Variants in SHOC2 observed in about 807,000 individuals in gnomAD.
The protein encoded by SHOC2 is leucine-rich repeat protein SHOC-2.
In SHOC2, 4 loss-of-function variants were observed where a neutral mutation model predicts 50.2. That is an observed-to-expected ratio of 0.08 (90% CI 0.04 to 0.18). The LOEUF (loss-of-function observed/expected upper bound fraction) is 0.18. SHOC2 is among the 10% of genes least tolerant of loss of function. The pLI, the probability that SHOC2 is intolerant of heterozygous loss-of-function variation, is 1.00. For missense variants in SHOC2, 388 were observed against 669.6 expected (o/e 0.58, Z 4.64); for synonymous variants, 218 against 244.5 (o/e 0.89, Z 1.01).
chr10:111,000,601 G>A (rs1848354056), intron 4 of SHOC2, 56 bp downstream of exon 4: 1 of 1,477,218 alleles, frequency 6.8e-7, no homozygotes, highest in African/African-American at 1.4e-5. Context: ...GATAATTCAA[G>A]GAAAGCTAGT....
intron 1 of SHOC2, chr10:110,937,065 A>C: frequency 6.7e-7 from 1 of 1,485,282 alleles, no homozygotes; most frequent in Non-Finnish European, 9.4e-7. Flanking sequence ...TTGCGGAGGA[A>C]AGCCAAGTAC....
chr10:110,957,532 AC>A lies in SHOC2; in HGVS notation c.-234-6583del, dbSNP rs149911635. Among the ~76,000 whole-genome samples, 881 of 127,944 alleles carry A rather than the reference AC, an allele frequency of 6.9e-3. 26 individuals carry two copies. In the South Asian group the frequency reaches 0.12, roughly 17 times the overall value. The allele number at this position is 127,944 out of a possible 152,430, so 83.9% of individuals were successfully genotyped here. A position where few individuals can be genotyped will look rare whatever the true frequency, so the allele number is the denominator to read the frequency against. On this transcript the variant is annotated intron_variant, in intron 1 of 8. Transcript: ENST00000369452. ...ACATCAGATTCTTAATCATGAAGAT[AC>A]CCCCCCCCCAGCCCACAATTTCCAA...
chr10:110,964,242 T>C lies in SHOC2; in HGVS notation c.-117T>C. The C allele has an allele frequency of 6.7e-7, 1 of 1,482,944 alleles. No individual in the cohort carries two copies. The allele number at this position is 1,482,944 out of a possible 1,614,324, so 91.9% of individuals were successfully genotyped here. A position where few individuals can be genotyped will look rare whatever the true frequency, so the allele number is the denominator to read the frequency against. ...ACAGATGGATGTTACTCCATGCTGA[T>C]TACTTCTTCAAGCCAGTACTTTTTT... is the stretch of plus-strand genomic sequence containing the variant. On this transcript the variant is annotated 5_prime_UTR_variant, in exon 2 of 9. Coordinates refer to ENST00000369452, the MANE Select transcript of SHOC2 (RefSeq NM_007373.4). This position sits in a 1 kb window ranked among gnomAD's most constrained non-coding sequence, Gnocchi z 4.9.
chr10:110,957,945 A>G (rs769281481), intron 1 of SHOC2, among the ~76,000 whole-genome samples: 7 of 152,178 alleles, frequency 4.6e-5, no homozygotes, highest in Non-Finnish European at 1.0e-4. Flanking sequence ...TCTGTATGTA[A>G]CTGGAGATGA....
chr10:110,970,935 TGTTGA>T (rs1847769949), intron 2 of SHOC2, among the ~76,000 whole-genome samples: 1 of 152,094 alleles, frequency 6.6e-6, no homozygotes, highest in Non-Finnish European at 1.5e-5. Context: ...ATTGTTTTGC[TGTTGA>T]GTTCTTGTAT....
chr10:110,986,592 G>C (rs1236368756), intron 3 of SHOC2, among the ~76,000 whole-genome samples: 1 of 152,032 alleles, frequency 6.6e-6, no homozygotes, highest in East Asian at 1.9e-4. Flanking sequence ...TCCTGCTTCA[G>C]CCTCCTGAGT....
intron 3 of SHOC2, among the ~76,000 whole-genome samples, chr10:110,989,850 T>C (rs569992939): frequency 3.3e-5 from 5 of 152,334 alleles, no homozygotes; most frequent in African/African-American, 1.2e-4. Flanking sequence ...ATATGCTTTC[T>C]GTTTGCCATA....
intron 1 of SHOC2, among the ~76,000 whole-genome samples, chr10:110,937,475 A>G (rs2134085941): frequency 6.6e-6 from 1 of 152,298 alleles, no homozygotes; most frequent in African/African-American, 2.4e-5. Flanking sequence ...CACTGTATTT[A>G]GTAGACCCTC....
chr10:110,928,465 A>G (rs1846821048), intron 1 of SHOC2, among the ~76,000 whole-genome samples: 1 of 152,232 alleles, frequency 6.6e-6, no homozygotes, highest in African/African-American at 2.4e-5. Context: ...GATAAAACAT[A>G]CTTTTACTAG....
chr10:110,988,882 GT>G (rs1291386978), intron 3 of SHOC2: 1 of 462,300 alleles, frequency 2.2e-6, no homozygotes, highest in Non-Finnish European at 4.4e-6. Context: ...CCTTTTAAAA[GT>G]TTTTTCTAAT....
intron 2 of SHOC2, among the ~76,000 whole-genome samples, chr10:110,967,638 A>G (rs1439369463): frequency 6.6e-6 from 1 of 152,178 alleles, no homozygotes; most frequent in South Asian, 2.1e-4. Context: ...CTCCTAACTC[A>G]TTAACCCTAG....
chr10:110,937,675 G>A (rs1200416410), intron 1 of SHOC2, among the ~76,000 whole-genome samples: 1 of 152,148 alleles, frequency 6.6e-6, no homozygotes, highest in African/African-American at 2.4e-5. Flanking sequence ...ATAACTTTAA[G>A]GGATAAAGTA....
intron 3 of SHOC2, among the ~76,000 whole-genome samples, chr10:110,987,994 C>A (rs116959296): frequency 6.6e-6 from 1 of 151,986 alleles, no homozygotes; most frequent in Non-Finnish European, 1.5e-5. Flanking sequence ...TAGGACTAGA[C>A]GTTCCAGAAG....
intron 2 of SHOC2, among the ~76,000 whole-genome samples, chr10:110,971,160 TGTA>T (rs919087692): frequency 6.6e-6 from 1 of 152,170 alleles, no homozygotes; most frequent in African/African-American, 2.4e-5. Context: ...CTATGTTTCT[TGTA>T]GTAGTTTTAT....
At chr10:110,968,520 G>T (rs1052465109) in intron 2 of SHOC2, among the ~76,000 whole-genome samples, 1 of 151,250 alleles carries the variant, frequency 6.6e-6, no homozygotes, top group South Asian at 2.1e-4. Context: ...ATGCATATTA[G>T]AGCTACATTA....
chr10:110,994,274 G>C (rs1246622347), intron 3 of SHOC2, among the ~76,000 whole-genome samples: 1 of 152,172 alleles, frequency 6.6e-6, no homozygotes, highest in Admixed American at 6.5e-5. Context: ...CATAGGAATG[G>C]AATAGGCAAG....
chr10:111,000,159 CTT>C (rs1373888906), intron 3 of SHOC2, among the ~76,000 whole-genome samples: 1 of 152,082 alleles, frequency 6.6e-6, no homozygotes, highest in Non-Finnish European at 1.5e-5. Context: ...TATGCCAATA[CTT>C]TATCTAATCG....
chr10:110,996,002 C>T (rs958438322), intron 3 of SHOC2, among the ~76,000 whole-genome samples: 3 of 152,136 alleles, frequency 2.0e-5, no homozygotes, highest in Non-Finnish European at 4.4e-5. Flanking sequence ...TTTGTTCATA[C>T]TTCTTTTAGG....
At chr10:110,920,715 G>A (rs1846622481) in intron 1 of SHOC2, among the ~76,000 whole-genome samples, 1 of 152,176 alleles carries the variant, frequency 6.6e-6, no homozygotes, top group African/African-American at 2.4e-5. Context: ...CGTAATGGGG[G>A]TGATGAGAAT....
Sources: gnomAD v4.1 joint callset for allele counts (sites outside exome capture counted in the v4.1 genomes callset) on GRCh38, gnomAD v4.1.1 for gene constraint, Gnocchi (gnomAD v3.1) non-coding constraint, MANE v1.5 for transcripts, NCBI Gene and HGNC (gene_info 2026-07-23, HGNC 2026-07-21) for gene names.